The following ITGBL1 variants were observed in gnomAD, a reference collection of about 807,000 sequenced individuals.
ITGBL1 encodes integrin beta-like protein 1.
In ITGBL1, 51 loss-of-function variants were observed where a neutral mutation model predicts 68.5. That is an observed-to-expected ratio of 0.74 (90% CI 0.59 to 0.94). ITGBL1 has a LOEUF of 0.94. Ranked by LOEUF, ITGBL1 falls within the 40% of genes least tolerant of loss-of-function variation. ITGBL1 has a pLI of 0.00. For missense variants in ITGBL1, 649 were observed against 647.4 expected, an observed-to-expected ratio of 1.00 and a Z score of -0.03; for synonymous variants, 209 against 227.3, an observed-to-expected ratio of 0.92 and a Z score of 0.72.
At chr13:101,601,123 G>A (rs912131177) in intron 7 of ITGBL1, among the ~76,000 whole-genome samples, 2 of 152,148 alleles carry the variant, frequency 1.3e-5, no homozygotes, top group African/African-American at 4.8e-5. Flanking sequence ...CCTGTTATTG[G>A]TCTATTCAGA....
chr13:101,677,806 T>A (rs2033541429), intron 7 of ITGBL1, among the ~76,000 whole-genome samples: 1 of 152,176 alleles, frequency 6.6e-6, no homozygotes, highest in Non-Finnish European at 1.5e-5. Context: ...ATTTACTACA[T>A]CCTTAAACTT....
intron 8 of ITGBL1, 118 bp downstream of exon 8, chr13:101,692,819 A>C (rs1299314193): frequency 8.2e-6 from 6 of 728,208 alleles, no homozygotes; most frequent in Non-Finnish European, 1.5e-5. Context: ...ACAGAAAGCA[A>C]TATACCATTG....
At chr13:101,679,476 A>G (rs541141184) in intron 7 of ITGBL1, among the ~76,000 whole-genome samples, 8 of 152,302 alleles carry the variant, frequency 5.3e-5, no homozygotes, top group South Asian at 2.1e-4. Context: ...TGACCAATCA[A>G]TGGGTTTTGC....
At chr13:101,542,701 G>T (rs1423898349) in intron 2 of ITGBL1, among the ~76,000 whole-genome samples, 1 of 152,160 alleles carries the variant, frequency 6.6e-6, no homozygotes, top group Non-Finnish European at 1.5e-5. Flanking sequence ...AAGTTTCTTT[G>T]TAGGTCTCTA....
intron 7 of ITGBL1, among the ~76,000 whole-genome samples, chr13:101,659,751 G>A (rs765841778): frequency 4.6e-5 from 7 of 152,220 alleles, no homozygotes; most frequent in South Asian, 4.1e-4. Flanking sequence ...GTGAGCCACC[G>A]CACAGGTCCT....
At chr13:101,592,410 G>A (rs540615589) in intron 6 of ITGBL1, among the ~76,000 whole-genome samples, 4 of 152,118 alleles carry the variant, frequency 2.6e-5, no homozygotes, top group African/African-American at 2.4e-5. Flanking sequence ...TTTTATCTGC[G>A]GTCGTGTCAA....
chr13:101,602,447 G>A lies in ITGBL1; in HGVS notation c.1015+4148G>A, dbSNP rs546872131. Among the ~76,000 whole-genome samples, 3 of 152,074 alleles carry A rather than the reference G, an allele frequency of 2.0e-5. No individual in the cohort carries two copies. The East Asian group carries it at 5.8e-4, about 29-fold the overall frequency. On this transcript the variant is annotated intron_variant, in intron 7 of 10. Transcript: ENST00000376180. ...GAATAACAAAGTTAATATGAAATAT[G>A]CTTTTGAAGAAGTCGTAATTGACAT...
intron 7 of ITGBL1, among the ~76,000 whole-genome samples, chr13:101,665,092 G>T (rs930856866): frequency 1.6e-4 from 24 of 152,090 alleles, no homozygotes; most frequent in Non-Finnish European, 2.4e-4. Context: ...ATTGACATCT[G>T]TCCACCAATT....
At position 101,478,049 on chromosome 13, in the gene ITGBL1, C is replaced by G. The variant is rs185501735; in HGVS notation, c.316+23949C>G. Among the ~76,000 whole-genome samples the G allele has an allele frequency of 5.0e-3, 759 of 152,138 alleles. 4 individuals are homozygous for G. The highest frequency in any genetic ancestry group is 8.1e-3 in the Non-Finnish European group (550 of 67,950). On this transcript the variant is annotated intron_variant, in intron 2 of 10. Transcript: ENST00000376180. ...CACATCAAAGTAAGAAAACTATAGGCCAATATCCCTGATAAGCATTGGTGC... is the reference window on the plus strand; with the variant it reads ...CACATCAAAGTAAGAAAACTATAGGGCAATATCCCTGATAAGCATTGGTGC...
intron 2 of ITGBL1, among the ~76,000 whole-genome samples, chr13:101,459,985 G>GGACT (rs2048296450): frequency 6.6e-6 from 1 of 152,048 alleles, no homozygotes; most frequent in Admixed American, 6.6e-5. Flanking sequence ...GGCTGCCTGA[G>GGACT]GACTGTTCGA....
At chr13:101,689,225 A>AAAAAAAAAAAAAAAAAAAG (rs2033828007) in intron 7 of ITGBL1, among the ~76,000 whole-genome samples, 1 of 149,156 alleles carries the variant, frequency 6.7e-6, no homozygotes, top group Non-Finnish European at 1.5e-5. Context: ...AAAAAAAAAA[A>AAAAAAAAAAAAAAAAAAAG]AAAAAAAATT....
intron 4 of ITGBL1, 105 bp downstream of exon 4, chr13:101,575,651 T>C: frequency 1.1e-5 from 12 of 1,109,806 alleles, no homozygotes; most frequent in Non-Finnish European, 1.6e-5. Context: ...TGTGCTAATG[T>C]AGTTTAAACC....
chr13:101,600,174 T>C (rs1418979860), intron 7 of ITGBL1, among the ~76,000 whole-genome samples: 4 of 152,212 alleles, frequency 2.6e-5, no homozygotes, highest in African/African-American at 4.8e-5. Flanking sequence ...GTTGGATTGC[T>C]AGGTATTTTA....
chr13:101,487,510 T>C (rs1180185175), intron 2 of ITGBL1, among the ~76,000 whole-genome samples: 1 of 152,248 alleles, frequency 6.6e-6, no homozygotes, highest in Non-Finnish European at 1.5e-5. Context: ...AAATATTTAA[T>C]ATAAATCAAT....
chr13:101,630,584 C>T (rs1046025098), intron 7 of ITGBL1, among the ~76,000 whole-genome samples: 9 of 152,266 alleles, frequency 5.9e-5, no homozygotes, highest in African/African-American at 1.7e-4. Context: ...CTTGATTTTT[C>T]TTAGAGAAGA....
chr13:101,605,600 G>T lies in ITGBL1; in HGVS notation c.1015+7301G>T, dbSNP rs373432988. 2.1e-4 allele frequency among the ~76,000 whole-genome samples: 31 copies of T among 150,926 alleles called. No individual in the cohort carries two copies. In the East Asian group the frequency reaches 3.0e-3, roughly 14 times the overall value. ...TATACACGTATTTAGACACGTACGT[G>T]TGTATATGCGTATATATATACACGT... is the stretch of plus-strand genomic sequence containing the variant. On this transcript the variant is annotated intron_variant, in intron 7 of 10. Coordinates refer to ENST00000376180, the MANE Select transcript of ITGBL1 (RefSeq NM_004791.3).
At chr13:101,498,903 G>A (rs1470968262) in intron 2 of ITGBL1, among the ~76,000 whole-genome samples, 1 of 152,222 alleles carries the variant, frequency 6.6e-6, no homozygotes. Flanking sequence ...AAGAGAAAAG[G>A]CACGTCTTAC....
intron 7 of ITGBL1, among the ~76,000 whole-genome samples, chr13:101,617,207 C>A (rs2031399975): frequency 6.6e-6 from 1 of 151,880 alleles, no homozygotes; most frequent in South Asian, 2.1e-4. Context: ...CATAGAAGTA[C>A]CTTGTGATAT....
At chr13:101,666,338 T>C (rs139619928) in intron 7 of ITGBL1, among the ~76,000 whole-genome samples, 1,701 of 152,196 alleles carry the variant, frequency 0.011, 39 homozygotes, top group African/African-American at 0.039. Flanking sequence ...GTGAGTTCTT[T>C]TGACTTGACT....
Sources: gnomAD v4.1 joint callset for allele counts (sites outside exome capture counted in the v4.1 genomes callset) on GRCh38, gnomAD v4.1.1 for gene constraint, MANE v1.5 for transcripts, NCBI Gene and HGNC (gene_info 2026-07-23, HGNC 2026-07-21) for gene names.